The following VAX2 variants were observed in gnomAD, a reference collection of about 807,000 sequenced individuals.
The protein encoded by VAX2 is ventral anterior homeobox 2.
VAX2 carries 8 observed loss-of-function variants against 12.5 expected under a neutral mutation model. The observed-to-expected ratio is 0.64, with a 90% CI of 0.37 to 1.15. VAX2 has a LOEUF of 1.15. Ranked by LOEUF, VAX2 falls within the 50% of genes most tolerant of loss-of-function variation. The pLI, the probability that VAX2 is intolerant of heterozygous loss-of-function variation, is 0.01. For missense variants in VAX2, 476 were observed against 412.9 expected (o/e 1.15, Z -1.32); for synonymous variants, 183 against 187.6 (o/e 0.98, Z 0.20).
In VAX2 at chr2:70,925,202, T is replaced by C. The variant is rs562076252; in HGVS notation, c.435+3917T>C. ...TTGAAGAGAAAGTGACAGGAGATGATTGGCATTTTACAGAGGTTCTCTGGC... is the reference window on the plus strand; with the variant it reads ...TTGAAGAGAAAGTGACAGGAGATGACTGGCATTTTACAGAGGTTCTCTGGC... On this transcript the variant is annotated intron_variant, in intron 2 of 2. Transcript: ENST00000234392. Among the ~76,000 whole-genome samples, 663 of 152,236 alleles carry C rather than the reference T, an allele frequency of 4.4e-3. 2 individuals are homozygous for C. Among genetic ancestry groups the C allele is most frequent in the Non-Finnish European group, 7.5e-3 (507 of 68,014 alleles).
At chr2:70,921,796 C>A (rs1215017119) in intron 2 of VAX2, among the ~76,000 whole-genome samples, 2 of 152,192 alleles carry the variant, frequency 1.3e-5, no homozygotes, top group East Asian at 1.9e-4. Context: ...GTCTGCACAC[C>A]CCCTTCACCT....
At chr2:70,925,640 G>T (rs1313432795) in intron 2 of VAX2, among the ~76,000 whole-genome samples, 1 of 152,104 alleles carries the variant, frequency 6.6e-6, no homozygotes, top group Non-Finnish European at 1.5e-5. Context: ...TCTTTTGGGG[G>T]AAAAGATAAG....
rs1553414543 is a variant in VAX2, at chr2:70,932,879, T to C, written c.548T>C (p.Leu183Pro). 2 of 1,613,438 alleles carry C rather than the reference T, an allele frequency of 1.2e-6. No homozygotes were observed. The highest frequency in any genetic ancestry group is 2.7e-5 in the African/African-American group (2 of 74,872). The change falls in exon 3 of 3, where the codon CTG becomes CCG. Residue 183 changes from leucine to proline, a missense_variant. By Grantham distance (98) the Leu-to-Pro change is moderately conservative. Coordinates refer to ENST00000234392, the MANE Select transcript of VAX2 (RefSeq NM_012476.3). ...GAGGCCTTTGCCACCTCCAACATTCTGCGGCTGCTGGAGCAGGGCCGGCTG... is the reference window on the plus strand; with the variant it reads ...GAGGCCTTTGCCACCTCCAACATTCCGCGGCTGCTGGAGCAGGGCCGGCTG... ...ASEAFATSNI[L>P]RLLEQGRLLS...
At chr2:70,919,604 G>T (rs1553412513) in intron 1 of VAX2, among the ~76,000 whole-genome samples, 1 of 152,140 alleles carries the variant, frequency 6.6e-6, no homozygotes, top group Non-Finnish European at 1.5e-5. Flanking sequence ...ACTTTGGGAG[G>T]CTGAGGCGGG....
intron 1 of VAX2, among the ~76,000 whole-genome samples, chr2:70,903,185 C>T (rs1459851085): frequency 8.5e-5 from 13 of 152,206 alleles, no homozygotes; most frequent in Non-Finnish European, 1.5e-4. Context: ...CCTGAATGAA[C>T]ATTCCTTCCA....
intron 1 of VAX2, among the ~76,000 whole-genome samples, chr2:70,905,884 G>A (rs3771395): frequency 0.14 from 20,822 of 152,210 alleles, 1,658 homozygotes; most frequent in South Asian, 0.28. Context: ...TAAGGAGAGA[G>A]GGTGTCTATG....
intron 2 of VAX2, among the ~76,000 whole-genome samples, chr2:70,922,901 A>G (rs1190385163): frequency 6.6e-6 from 1 of 152,154 alleles, no homozygotes; most frequent in East Asian, 1.9e-4. Context: ...CGTATTCCCT[A>G]CACTGAGCTG....
Position 70,921,162 on chromosome 2 carries a change from G to A in VAX2, c.312G>A (p.Arg104=). 6.2e-7 allele frequency: 1 copy of A among 1,613,584 alleles called. No homozygotes were observed. ...PKGLDLDRPK[R]TRTSFTAEQL... ...GCCTGGACCTGGACCGGCCCAAGCG[G>A]ACACGTACATCCTTCACTGCCGAGC... The change falls in exon 2 of 3, where the codon CGG becomes CGA. Residue 104 remains arginine, a synonymous_variant. Transcript: ENST00000234392.
rs377703915 is a variant in VAX2 at position 70,933,127 on chromosome 2, T to G, written c.796T>G (p.Ser266Ala). The change falls in exon 3 of 3, where the codon TCC becomes GCC. Residue 266 changes from serine to alanine, a missense_variant. Physicochemically the swap from Ser to Ala is moderately conservative, Grantham distance 99. Coordinates refer to ENST00000234392, the MANE Select transcript of VAX2 (RefSeq NM_012476.3). Reference protein sequence around the residue: ...LDLPAGYELGSSAFEPYSWLE... With the variant: ...LDLPAGYELGASAFEPYSWLE... ...TCTGCCTGCCGGCTACGAACTGGGTTCCTCGGCCTTCGAGCCATACAGCTG... is the reference window on the plus strand; with the variant it reads ...TCTGCCTGCCGGCTACGAACTGGGTGCCTCGGCCTTCGAGCCATACAGCTG... 2.5e-6 allele frequency: 4 copies of G among 1,603,642 alleles called. No individual in the cohort carries two copies. In the African/African-American group the frequency reaches 4.0e-5, roughly 16 times the overall value.
intron 1 of VAX2, among the ~76,000 whole-genome samples, chr2:70,920,849 A>C (rs1279792282): frequency 1.3e-5 from 2 of 152,076 alleles, no homozygotes; most frequent in Non-Finnish European, 2.9e-5. Context: ...CCCAGACCAC[A>C]TTGGTAGACC....
chr2:70,932,908 T>A lies in VAX2; in HGVS notation c.577T>A (p.Ser193Thr). The change falls in exon 3 of 3, where the codon TCT becomes ACT. Residue 193 changes from serine (S) to threonine (T), a missense_variant. Physicochemically the swap from Ser to Thr is moderately conservative, Grantham distance 58. Coordinates refer to ENST00000234392, the MANE Select transcript of VAX2 (RefSeq NM_012476.3). The part of the protein sequence containing the change: ...LRLLEQGRLL[S>T]VPRAPSLLAL... ...GCTGCTGGAGCAGGGCCGGCTGCTC[T>A]CTGTGCCCAGGGCCCCTAGCCTCCT... 6.2e-7 allele frequency: 1 copy of A among 1,613,296 alleles called. No individual in the cohort carries two copies. The highest frequency in any genetic ancestry group is 8.5e-7 in the Non-Finnish European group (1 of 1,179,936).
chr2:70,931,534 C>T (rs1323742766), intron 2 of VAX2, among the ~76,000 whole-genome samples: 1 of 152,254 alleles, frequency 6.6e-6, no homozygotes, highest in Non-Finnish European at 1.5e-5. Flanking sequence ...CCCAGACAGG[C>T]ATCTGGCCCC....
chr2:70,902,919 A>G (rs1678965629), intron 1 of VAX2, among the ~76,000 whole-genome samples: 1 of 152,240 alleles, frequency 6.6e-6, no homozygotes, highest in African/African-American at 2.4e-5. Context: ...GAAATATTAG[A>G]CATAAAGCAT....
chr2:70,903,025 TGG>T (rs1678968384), intron 1 of VAX2, among the ~76,000 whole-genome samples: 1 of 152,196 alleles, frequency 6.6e-6, no homozygotes, highest in Non-Finnish European at 1.5e-5. Context: ...GAGGTTATTA[TGG>T]GCCTGAAACG....
chr2:70,915,441 G>A (rs944751732), intron 1 of VAX2, among the ~76,000 whole-genome samples: 16 of 151,944 alleles, frequency 1.1e-4, no homozygotes, highest in African/African-American at 3.9e-4. Context: ...CGTTGGCCAG[G>A]CTGGTCTCGA....
chr2:70,913,277 G>A (rs1240418716), intron 1 of VAX2, among the ~76,000 whole-genome samples: 2 of 152,144 alleles, frequency 1.3e-5, no homozygotes, highest in African/African-American at 4.8e-5. Flanking sequence ...TCTGGTTATT[G>A]GGTTTTGTTA....
At position 70,925,396 on chromosome 2, in the gene VAX2, C is replaced by T. The variant is rs149835652; in HGVS notation, c.435+4111C>T. Among the ~76,000 whole-genome samples, 169 of 152,194 alleles carry T rather than the reference C, an allele frequency of 1.1e-3. 1 individual carries two copies. The highest frequency in any genetic ancestry group is 3.8e-3 in the African/African-American group (156 of 41,526). On this transcript the variant is annotated intron_variant, in intron 2 of 2. Coordinates refer to ENST00000234392, the MANE Select transcript of VAX2 (RefSeq NM_012476.3). ...TATTAGGACTTGCTCATGGATTATA[C>T]GCCCAGGGCAAGGGAAAGGAAGTGG...
chr2:70,908,485 G>GT (rs1240717608), intron 1 of VAX2, among the ~76,000 whole-genome samples: 21 of 151,816 alleles, frequency 1.4e-4, no homozygotes, highest in South Asian at 2.1e-4. Context: ...CTTTTTGTTT[G>GT]TTTTTTTTAT....
chr2:70,933,146 A>G lies in VAX2; in HGVS notation c.815A>G (p.Tyr272Cys). 6.3e-7 allele frequency: 1 copy of G among 1,577,064 alleles called. No homozygotes were observed. Among genetic ancestry groups the G allele is most frequent in the Non-Finnish European group, 8.6e-7 (1 of 1,163,966 alleles). ...CTGGGTTCCTCGGCCTTCGAGCCAT[A>G]CAGCTGGCTAGAACGGAAAGTGGGC... ...YELGSSAFEP[Y>C]SWLERKVGSA... Residue 272 changes from tyrosine (Y) to cysteine (C), a missense_variant, in exon 3 of 3, where the codon TAC (tyrosine) becomes TGC (cysteine). Tyr to Cys is a radical substitution (Grantham distance 194). Transcript: ENST00000234392.
Sources: allele counts gnomAD v4.1 joint callset (sites outside exome capture counted in the v4.1 genomes callset), GRCh38; gene constraint gnomAD v4.1.1; transcripts MANE v1.5; gene names NCBI Gene and HGNC (gene_info 2026-07-23, HGNC 2026-07-21).